Variants in MCM4 observed in about 807,000 individuals in gnomAD.
MCM4 encodes minichromosome maintenance complex component 4.
Under a neutral mutation model 88.7 loss-of-function variants are expected in MCM4, and 60 were observed. The observed-to-expected ratio is 0.68, with a 90% CI of 0.55 to 0.84. The LOEUF is 0.84. Ranked by LOEUF, MCM4 falls within the 40% of genes least tolerant of loss-of-function variation. MCM4 has a pLI of 0.00. For missense variants in MCM4, 1,149 were observed against 1,105.5 expected, an observed-to-expected ratio of 1.04 and a Z score of -0.56; for synonymous variants, 465 against 410.5, an observed-to-expected ratio of 1.13 and a Z score of -1.61.
At position 47,962,054 on chromosome 8, in the gene MCM4, T is replaced by G; in HGVS notation, c.237T>G (p.Ala79=). The stretch of plus-strand genomic sequence containing the variant: ...AATTTCCTAATTTTGTTTTTATAGC[T>G]ATCCCTCTTGACTTTGATGTTAGTT... ...FSSPPQMHSS[A]IPLDFDVSSP... The change falls in exon 4 of 17, where the codon GCT becomes GCG. Residue 79 remains alanine (A), a splice_region_variant and synonymous_variant. Transcript: ENST00000649973. 2 of 1,613,896 alleles carry G rather than the reference T, an allele frequency of 1.2e-6. No homozygotes were observed. The highest frequency in any genetic ancestry group is 1.7e-6 in the Non-Finnish European group (2 of 1,179,914).
chr8:47,974,342 C>T (rs954084361), intron 14 of MCM4: 5 of 187,484 alleles, frequency 2.7e-5, no homozygotes, highest in Non-Finnish European at 5.7e-5. Flanking sequence ...CATTGTGCCC[C>T]ATGTGAGCAC....
Position 47,977,735 on chromosome 8 carries a change from A to C in MCM4, c.*957A>C, listed in dbSNP as rs985155200. ...CAACTTCCGGAAGTGCTGAGATTAC[A>C]GGTGTGAGCCACTGCACCCAGCCTT... On this transcript the variant is annotated 3_prime_UTR_variant, in exon 17 of 17. Transcript: ENST00000649973. 2.6e-5 allele frequency: 4 copies of C among 152,112 alleles called. No individual in the cohort carries two copies. The highest frequency in any genetic ancestry group is 5.9e-5 in the Non-Finnish European group (4 of 68,046). The allele number at this position is 152,112 out of a possible 1,614,324, so 9.4% of individuals were successfully genotyped here. A position where few individuals can be genotyped will look rare whatever the true frequency, so the allele number is the denominator to read the frequency against.
chr8:47,969,255 A>C (rs563687785), intron 10 of MCM4: 2 of 154,290 alleles, frequency 1.3e-5, no homozygotes, highest in Non-Finnish European at 2.9e-5. Flanking sequence ...GTTTTGTTTC[A>C]TTTTGTTTTG....
chr8:47,970,516 T>G lies in MCM4; in HGVS notation c.1440T>G (p.Ile480Met). Residue 480 changes from isoleucine to methionine, a missense_variant, in exon 12 of 17, where the codon ATT becomes ATG. This residue lies in a region of MCM4 where 906 missense variants were observed against 843.0 expected (regional missense o/e 1.07). Coordinates refer to ENST00000649973, the MANE Select transcript of MCM4 (RefSeq NM_182746.3). ...IYEHEDIKKG[I>M]LLQLFGGTRK... ...ACATGTCTCTGATTATTTAGGGAATTTTGCTTCAGCTCTTTGGCGGGACAA... is the reference window on the plus strand; with the variant it reads ...ACATGTCTCTGATTATTTAGGGAATGTTGCTTCAGCTCTTTGGCGGGACAA... The G allele has an allele frequency of 1.3e-6, 2 of 1,595,538 alleles. No individual in the cohort carries two copies. Among genetic ancestry groups the G allele is most frequent in the South Asian group, 2.2e-5 (2 of 89,690 alleles).
rs2305952 is a variant in MCM4, at chr8:47,962,049, A to G, written c.236-4A>G. ...ACCAGAATTTCCTAATTTTGTTTTT[A>G]TAGCTATCCCTCTTGACTTTGATGT... On this transcript the variant is annotated splice_polypyrimidine_tract_variant and splice_region_variant and intron_variant, in intron 3 of 16. Transcript: ENST00000649973. The G allele has an allele frequency of 3.4e-3, 5,423 of 1,613,306 alleles. 283 individuals are homozygous for G. In the East Asian group the frequency reaches 0.1, roughly 30 times the overall value.
chr8:47,962,488 A>T, intron 5 of MCM4, 82 bp downstream of exon 5: 2 of 1,422,898 alleles, frequency 1.4e-6, no homozygotes, highest in Admixed American at 1.8e-5. Flanking sequence ...CTAAGTAGCC[A>T]TAATGACTAG....
chr8:47,970,953 G>A, intron 12 of MCM4, 77 bp downstream of exon 12: 1 of 1,493,604 alleles, frequency 6.7e-7, no homozygotes, highest in South Asian at 1.3e-5. Context: ...CTGTGGAACT[G>A]TGCTGTGCTA....
At chr8:47,966,145 C>T in intron 8 of MCM4, 42 bp from the exon 9 acceptor site, 4 of 1,530,256 alleles carry the variant, frequency 2.6e-6, no homozygotes, top group Middle Eastern at 1.7e-4. Context: ...TGGACCTCCA[C>T]ACCTCAGGTC....
At chr8:47,968,387 G>A (rs879519646) in intron 10 of MCM4, among the ~76,000 whole-genome samples, 48 of 152,152 alleles carry the variant, frequency 3.2e-4, no homozygotes, top group Admixed American at 3.0e-3. Context: ...GAAAGAATGC[G>A]TAGTTTTTAG....
intron 7 of MCM4, among the ~76,000 whole-genome samples, chr8:47,963,349 G>C (rs2090865171): frequency 6.6e-6 from 1 of 152,066 alleles, no homozygotes; most frequent in African/African-American, 2.4e-5. Context: ...AGCTACTCGG[G>C]AGTCTGAAGC....
intron 14 of MCM4, chr8:47,974,116 A>G (rs1429851369): frequency 6.6e-6 from 1 of 152,308 alleles, no homozygotes; most frequent in Non-Finnish European, 1.5e-5. Context: ...AGGTTATTCA[A>G]GCATTGTGAT....
At chr8:47,971,552 C>G in intron 13 of MCM4, 84 bp downstream of exon 13, 2 of 1,368,168 alleles carry the variant, frequency 1.5e-6, no homozygotes, top group Admixed American at 1.8e-5. Context: ...TCAGCAACTG[C>G]TAATGGAAAC....
chr8:47,967,078 CAGAGGGT>C (rs1441782947), intron 9 of MCM4, among the ~76,000 whole-genome samples: 1 of 152,224 alleles, frequency 6.6e-6, no homozygotes, highest in Non-Finnish European at 1.5e-5. Context: ...TTAGGCCTCT[CAGAGGGT>C]ACCTGGTTTG....
chr8:47,965,932 G>T (rs1043942382), intron 8 of MCM4, among the ~76,000 whole-genome samples: 1 of 152,182 alleles, frequency 6.6e-6, no homozygotes, highest in African/African-American at 2.4e-5. Flanking sequence ...CCAGGTGAGT[G>T]AGGCAGGAGG....
chr8:47,969,142 A>AC (rs2090927815), intron 10 of MCM4: 1 of 152,552 alleles, frequency 6.6e-6, no homozygotes, highest in African/African-American at 2.4e-5. Context: ...ACGTAGCTAC[A>AC]GTTGCCCTGG....
At chr8:47,967,169 CCT>C (rs1053961920) in intron 9 of MCM4, among the ~76,000 whole-genome samples, 194 bp from the exon 10 acceptor site, 15 of 152,244 alleles carry the variant, frequency 9.9e-5, no homozygotes, top group African/African-American at 3.1e-4. Context: ...CATTCCTTCC[CCT>C]GTTTTGTTGC....
chr8:47,971,337 A>G lies in MCM4; in HGVS notation c.1801-4A>G, dbSNP rs896425509. On this transcript the variant is annotated splice_polypyrimidine_tract_variant and splice_region_variant and intron_variant, in intron 12 of 16. Transcript: ENST00000649973. ...GCTTCTAACTGCACTCTTTGCTCTG[A>G]TAGGCTGGGATCATCTGTCAGCTCA... 1 of 1,613,982 alleles carries G rather than the reference A, an allele frequency of 6.2e-7. No individual in the cohort carries two copies. Among genetic ancestry groups the G allele is most frequent in the African/African-American group, 1.3e-5 (1 of 74,894 alleles).
At chr8:47,961,724 CT>C (rs1563830027) in intron 3 of MCM4, 44 bp downstream of exon 3, 2 of 1,562,622 alleles carry the variant, frequency 1.3e-6, no homozygotes, top group East Asian at 4.5e-5. Flanking sequence ...TGATACACAG[CT>C]GATGCTTTAT....
Position 47,972,976 on chromosome 8 carries a change from A to G in MCM4, c.2048A>G (p.Asp683Gly). The G allele has an allele frequency of 1.2e-6, 2 of 1,614,180 alleles. No homozygotes were observed. Among genetic ancestry groups the G allele is most frequent in the Non-Finnish European group, 1.7e-6 (2 of 1,180,026 alleles). Reference sequence around the variant, plus strand: ...GAGCAGGCAGAGGAGGAGCTCCTGGACATGGCGGTGCTAAAGGACTACATT... The same window carrying G: ...GAGCAGGCAGAGGAGGAGCTCCTGGGCATGGCGGTGCTAAAGGACTACATT... ...SEEQAEEELL[D>G]MAVLKDYIAY... Residue 683 changes from aspartate (D) to glycine (G), a missense_variant, in exon 14 of 17, where the codon GAC becomes GGC. Transcript: ENST00000649973.
Sources: allele counts gnomAD v4.1 joint callset (sites outside exome capture counted in the v4.1 genomes callset), GRCh38; gene constraint gnomAD v4.1.1; regional missense constraint gnomAD v4.1.1; transcripts MANE v1.5; gene names NCBI Gene and HGNC (gene_info 2026-07-23, HGNC 2026-07-21).